Variants in TBC1D30 observed in about 807,000 individuals in gnomAD.
The protein encoded by TBC1D30 is TBC1 domain family member 30.
In TBC1D30, 31 loss-of-function variants were observed where a neutral mutation model predicts 63.2. That is an observed-to-expected ratio of 0.49 (90% CI 0.37 to 0.66). TBC1D30 has a LOEUF of 0.66. Ranked by LOEUF, TBC1D30 falls within the 30% of genes least tolerant of loss-of-function variation. The pLI is 0.00. For synonymous variants in TBC1D30, 307 were observed against 361.5 expected, an observed-to-expected ratio of 0.85 and a Z score of 1.71; for missense variants, 810 against 953.6, an observed-to-expected ratio of 0.85 and a Z score of 1.98.
chr12:64,870,880 G>A (rs1438349269), intron 11 of TBC1D30, 72 bp downstream of exon 11: 1 of 1,446,486 alleles, frequency 6.9e-7, no homozygotes, highest in Non-Finnish European at 9.4e-7. Context: ...AATAATCCTA[G>A]GAAGGCCTTG....
At chr12:64,774,316 T>C (rs1238536736) in intron 1 of TBC1D30, among the ~76,000 whole-genome samples, 11 of 152,184 alleles carry the variant, frequency 7.2e-5, no homozygotes, top group Non-Finnish European at 1.5e-4. Context: ...CTTTGACTGA[T>C]TGGTGTACCT....
intron 2 of TBC1D30, among the ~76,000 whole-genome samples, chr12:64,800,229 A>C (rs980319180): frequency 2.0e-5 from 3 of 152,194 alleles, no homozygotes; most frequent in Non-Finnish European, 4.4e-5. Flanking sequence ...GGTATTTGGG[A>C]TACTCTTGGT....
At chr12:64,822,569 C>T (rs997001409), upstream of TBC1D30, among the ~76,000 whole-genome samples, 2 of 152,118 alleles carry the variant, frequency 1.3e-5, no homozygotes, top group Admixed American at 6.5e-5. Flanking sequence ...GCGATAATGG[C>T]TCATTGCAGC....
At chr12:64,859,563 G>A (rs1238850181) in intron 8 of TBC1D30, among the ~76,000 whole-genome samples, 2 of 152,216 alleles carry the variant, frequency 1.3e-5, no homozygotes, top group African/African-American at 4.8e-5. Context: ...AACAGAGACA[G>A]TACTTACAAG....
chr12:64,840,550 G>A (rs886656025), intron 7 of TBC1D30, among the ~76,000 whole-genome samples: 2 of 152,132 alleles, frequency 1.3e-5, no homozygotes, highest in African/African-American at 2.4e-5. Flanking sequence ...ATGAACAGTC[G>A]CTGTTCTAAT....
intron 2 of TBC1D30, chr12:64,818,820 G>A (rs1469872596): frequency 6.6e-6 from 1 of 152,124 alleles, no homozygotes; most frequent in African/African-American, 2.4e-5. Flanking sequence ...CTTTCCCACA[G>A]CATCTGATTA....
intron 2 of TBC1D30, among the ~76,000 whole-genome samples, chr12:64,799,804 C>A (rs1012261896): frequency 6.6e-6 from 1 of 152,118 alleles, no homozygotes; most frequent in Admixed American, 6.5e-5. Context: ...TGGGGAAGTG[C>A]GATTAGAAAA....
intron 10 of TBC1D30, chr12:64,868,397 C>A: frequency 5.3e-6 from 1 of 190,396 alleles, no homozygotes; most frequent in Non-Finnish European, 1.1e-5. Flanking sequence ...CCTTTGGGCT[C>A]ACACCATTGA....
chr12:64,777,706 CT>C (rs1439904041), upstream of TBC1D30, among the ~76,000 whole-genome samples: 3 of 152,140 alleles, frequency 2.0e-5, no homozygotes, highest in African/African-American at 4.8e-5. Flanking sequence ...AGATTCAATG[CT>C]TTTCCCATTA....
chr12:64,773,243 C>T (rs573136278), intron 1 of TBC1D30, among the ~76,000 whole-genome samples: 14 of 152,282 alleles, frequency 9.2e-5, no homozygotes, highest in African/African-American at 2.4e-4. Flanking sequence ...TTAAGTGAGT[C>T]GCTGATCTGT....
At chr12:64,790,542 C>T (rs1309076803) in intron 2 of TBC1D30, among the ~76,000 whole-genome samples, 3 of 152,022 alleles carry the variant, frequency 2.0e-5, no homozygotes, top group African/African-American at 7.2e-5. Flanking sequence ...CTAGCTGTCA[C>T]TTGAAAACTG....
intron 1 of TBC1D30, 68 bp from the exon 2 acceptor site, chr12:64,827,767 A>T: frequency 9.4e-7 from 1 of 1,061,166 alleles, no homozygotes; most frequent in Non-Finnish European, 1.4e-6. Flanking sequence ...TCAAGCTTTT[A>T]CTAGTATTTT....
intron 1 of TBC1D30, chr12:64,768,519 T>C (rs1870797209): frequency 6.6e-6 from 1 of 152,120 alleles, no homozygotes; most frequent in Non-Finnish European, 1.5e-5. Context: ...CATATTTTTG[T>C]AGAGATGAGC....
At chr12:64,870,559 C>G in intron 10 of TBC1D30, 43 bp from the exon 11 acceptor site, 1 of 1,476,398 alleles carries the variant, frequency 6.8e-7, no homozygotes, top group Non-Finnish European at 9.2e-7. Flanking sequence ...ACTCCTGTTC[C>G]CCTCCACCGA....
upstream of TBC1D30, among the ~76,000 whole-genome samples, chr12:64,822,659 C>T (rs1873956911): frequency 6.8e-6 from 1 of 147,210 alleles, no homozygotes; most frequent in Non-Finnish European, 1.5e-5. Context: ...CCATCATGCC[C>T]AGCTAATTTT....
intron 11 of TBC1D30, among the ~76,000 whole-genome samples, chr12:64,873,544 C>T (rs992086816): frequency 4.6e-5 from 7 of 151,682 alleles, no homozygotes; most frequent in Non-Finnish European, 7.4e-5. Flanking sequence ...GTCAGTGAGC[C>T]GAAGACACAT....
intron 10 of TBC1D30, chr12:64,868,639 T>G (rs1162611081): frequency 6.1e-6 from 2 of 329,370 alleles, no homozygotes; most frequent in African/African-American, 4.4e-5. Flanking sequence ...TTCCTTTGCT[T>G]TTTCTTAAGG....
At chr12:64,795,704 CTTTT>C (rs1200673199) in intron 2 of TBC1D30, among the ~76,000 whole-genome samples, 1 of 133,122 alleles carries the variant, frequency 7.5e-6, no homozygotes. Flanking sequence ...CTCCACGCTC[CTTTT>C]TTTTTTTTTT....
intron 11 of TBC1D30, among the ~76,000 whole-genome samples, chr12:64,872,867 A>G (rs1409303544): frequency 6.6e-6 from 1 of 152,170 alleles, no homozygotes; most frequent in Non-Finnish European, 1.5e-5. Context: ...TTTTAAAACT[A>G]TCAGATCTTG....
Sources: allele counts gnomAD v4.1 joint callset (sites outside exome capture counted in the v4.1 genomes callset), GRCh38; gene constraint gnomAD v4.1.1; transcripts MANE v1.5; gene names NCBI Gene and HGNC (gene_info 2026-07-23, HGNC 2026-07-21).